Variants in LYRM4 observed in about 807,000 individuals in gnomAD.
The protein encoded by LYRM4 is LYR motif-containing protein 4.
A neutral mutation model predicts 11.7 loss-of-function variants in LYRM4; 9 were observed. The ratio of observed to expected loss-of-function variants is 0.77; its 90% CI spans 0.46 to 1.34. The LOEUF (loss-of-function observed/expected upper bound fraction) is 1.34, where lower values mean the gene tolerates loss of function less well. Among genes scored for constraint, LYRM4 ranks in the 40% most tolerant of loss-of-function variants. LYRM4 has a pLI of 0.00. For missense variants in LYRM4, 133 were observed against 112.5 expected (o/e 1.18, Z -0.82); for synonymous variants, 42 against 40.4 (o/e 1.04, Z -0.15).
intron 2 of LYRM4, among the ~76,000 whole-genome samples, chr6:5,186,080 T>C (rs1227175194): frequency 6.6e-6 from 1 of 152,020 alleles, no homozygotes; most frequent in Non-Finnish European, 1.5e-5. Flanking sequence ...CAGCGCAGCA[T>C]GGGGGGTTAC....
In LYRM4 at chr6:5,109,270, C is replaced by A; in HGVS notation, c.*153G>T. 6.6e-7 allele frequency: 1 copy of A among 1,510,368 alleles called. No homozygotes were observed. Among genetic ancestry groups the A allele is most frequent in the Non-Finnish European group, 8.9e-7 (1 of 1,128,572 alleles). 93.6% of individuals were successfully genotyped at this position (1,510,368 alleles called of 1,614,324 possible). ...CAGCAGTCCTTTTTCACTAAGCCTG[C>A]AACAGAATGCAAATGTGACTTGGTT... On this transcript the variant is annotated 3_prime_UTR_variant, in exon 3 of 3. Coordinates refer to ENST00000330636, the MANE Select transcript of LYRM4 (RefSeq NM_020408.6).
At chr6:5,037,628 CGGGCG>C in the LYRM4 span, among the ~76,000 whole-genome samples, 1 of 66,990 alleles carries the variant, frequency 1.5e-5, no homozygotes, top group Admixed American at 2.0e-4. Flanking sequence ...GGCGGCTGGC[CGGGCG>C]GGGGGCTGAT....
chr6:5,226,826 TTAC>T (rs1762922402), intron 1 of LYRM4, among the ~76,000 whole-genome samples: 2 of 152,210 alleles, frequency 1.3e-5, no homozygotes, highest in Admixed American at 1.3e-4. Flanking sequence ...GCCTCCTAAA[TTAC>T]TACAATAACA....
intron 2 of LYRM4, among the ~76,000 whole-genome samples, chr6:5,126,786 T>G (rs564644856): frequency 6.6e-6 from 1 of 152,128 alleles, no homozygotes; most frequent in East Asian, 1.9e-4. Context: ...GGCCAATACA[T>G]AGAGACAGAG....
the LYRM4 span, among the ~76,000 whole-genome samples, chr6:5,057,705 A>G: frequency 6.8e-6 from 1 of 147,970 alleles, no homozygotes; most frequent in Non-Finnish European, 1.5e-5. Flanking sequence ...ACAGAGCGAG[A>G]CTCCATCTAA....
At chr6:5,071,636 A>G in the LYRM4 span, among the ~76,000 whole-genome samples, 3 of 150,760 alleles carry the variant, frequency 2.0e-5, no homozygotes, top group African/African-American at 7.3e-5. Flanking sequence ...ATATATGTGT[A>G]TGTGTGTGTG....
the LYRM4 span, chr6:5,086,102 C>G: frequency 8.2e-6 from 12 of 1,464,270 alleles, no homozygotes; most frequent in African/African-American, 1.5e-4. Flanking sequence ...CTCCCGGGGC[C>G]GAGCGCCGCG....
intron 1 of LYRM4, among the ~76,000 whole-genome samples, chr6:5,259,087 T>G (rs1458208734): frequency 6.6e-6 from 1 of 151,980 alleles, no homozygotes; most frequent in Non-Finnish European, 1.5e-5. Context: ...CTTGTCCAAG[T>G]TAGTCTTCGA....
chr6:5,128,981 G>A (rs9405801), intron 2 of LYRM4, among the ~76,000 whole-genome samples: 27,893 of 152,156 alleles, frequency 0.18, 2,765 homozygotes, highest in African/African-American at 0.24. Context: ...TTACATATGC[G>A]CTTGCTCAAA....
intron 2 of LYRM4, among the ~76,000 whole-genome samples, chr6:5,150,335 A>G (rs965061685): frequency 2.0e-5 from 3 of 152,058 alleles, no homozygotes; most frequent in Non-Finnish European, 4.4e-5. Context: ...ATTTTCCCCT[A>G]TTGTTGCACC....
chr6:5,216,681 A>G lies in LYRM4; in HGVS notation c.144T>C (p.Asp48=), dbSNP rs1762290255. ...TCACTAGGGTTTGAATTTCTACAGGATCCTTTACATTTTTATTTTCTCTGA... is the reference window on the plus strand; with the variant it reads ...TCACTAGGGTTTGAATTTCTACAGGGTCCTTTACATTTTTATTTTCTCTGA... ...DAFRENKNVK[D]PVEIQTLVNK... Residue 48 remains aspartate, a synonymous_variant, in exon 2 of 3, where the codon GAT becomes GAC. Transcript: ENST00000330636. 1 of 1,613,972 alleles carries G rather than the reference A, an allele frequency of 6.2e-7. No individual in the cohort carries two copies. The highest frequency in any genetic ancestry group is 8.5e-7 in the Non-Finnish European group (1 of 1,179,974).
chr6:5,257,589 C>A (rs71557555), intron 1 of LYRM4, among the ~76,000 whole-genome samples: 1 of 152,154 alleles, frequency 6.6e-6, no homozygotes, highest in South Asian at 2.1e-4. Flanking sequence ...AGCAGTTGAG[C>A]GGTGGGTGAG....
At chr6:5,155,269 G>A (rs1006312432) in intron 2 of LYRM4, among the ~76,000 whole-genome samples, 5 of 151,966 alleles carry the variant, frequency 3.3e-5, no homozygotes, top group African/African-American at 7.3e-5. Context: ...TAGTAGAGAC[G>A]GGGGTTTCAC....
chr6:5,243,904 C>T (rs1454615681), intron 1 of LYRM4, among the ~76,000 whole-genome samples: 2 of 152,222 alleles, frequency 1.3e-5, no homozygotes, highest in Non-Finnish European at 2.9e-5. Context: ...TATTCCTACA[C>T]CAAATTTTGC....
At chr6:5,074,298 A>T in the LYRM4 span, among the ~76,000 whole-genome samples, 705 of 152,048 alleles carry the variant, frequency 4.6e-3, 4 homozygotes, top group African/African-American at 0.014. Context: ...ATTATTACTG[A>T]CTAGGTCAGT....
intron 2 of LYRM4, among the ~76,000 whole-genome samples, chr6:5,200,338 G>A (rs1012093662): frequency 3.3e-5 from 5 of 152,064 alleles, no homozygotes; most frequent in African/African-American, 1.2e-4. Context: ...GTATTCTTTT[G>A]GCTCTAAGCC....
At chr6:5,138,569 A>G (rs1199611407) in intron 2 of LYRM4, 1 of 357,214 alleles carries the variant, frequency 2.8e-6, no homozygotes, top group Non-Finnish European at 4.3e-6. Context: ...AGTAAGAATA[A>G]TGACTGTTTT....
chr6:5,085,362 G>A, the LYRM4 span: 2 of 684,752 alleles, frequency 2.9e-6, no homozygotes, highest in Non-Finnish European at 4.8e-6. Flanking sequence ...CGAGCCTGGG[G>A]CGACTCGCCT....
intron 2 of LYRM4, among the ~76,000 whole-genome samples, chr6:5,179,065 C>CAAAAAAAAAAAAAAAAAAAAAAAAAAAA (rs58749743): frequency 3.9e-5 from 4 of 103,896 alleles, no homozygotes; most frequent in African/African-American, 8.0e-5. Context: ...ACCAAAAAAA[C>CAAAAAAAAAAAAAAAAAAAAAAAAAAAA]AAAAAAAAAA....
Sources: allele counts gnomAD v4.1 joint callset (sites outside exome capture counted in the v4.1 genomes callset), GRCh38; gene constraint gnomAD v4.1.1; transcripts MANE v1.5; gene names NCBI Gene and HGNC (gene_info 2026-07-23, HGNC 2026-07-21).